CUX2: variants seen among roughly 807,000 people sequenced by gnomAD.
The protein encoded by CUX2 is cut like homeobox 2.
Under a neutral mutation model 144.8 loss-of-function variants are expected in CUX2, and 40 were observed. The ratio of observed to expected loss-of-function variants is 0.28; its 90% CI spans 0.21 to 0.36. CUX2 has a LOEUF of 0.36. Ranked by LOEUF, CUX2 falls within the 10% of genes least tolerant of loss-of-function variation. The probability of loss-of-function intolerance (pLI) is 1.00; values close to 1 mark genes in which losing one functional copy is unlikely to be tolerated. For synonymous variants in CUX2, 827 were observed against 875.6 expected, an observed-to-expected ratio of 0.94 and a Z score of 0.98; for missense variants, 1,615 against 1,994.0, an observed-to-expected ratio of 0.81 and a Z score of 3.62.
intron 1 of CUX2, among the ~76,000 whole-genome samples, chr12:111,042,077 G>C (rs962111020): frequency 3.3e-5 from 5 of 152,130 alleles, no homozygotes; most frequent in African/African-American, 1.2e-4. Flanking sequence ...TAAAAACAAA[G>C]AAAGAAAGAA....
At chr12:111,266,141 C>A (rs1198453895) in intron 4 of CUX2, among the ~76,000 whole-genome samples, 2 of 152,110 alleles carry the variant, frequency 1.3e-5, no homozygotes, top group African/African-American at 4.8e-5. Context: ...ATGAGATCAT[C>A]CTGGCTTTAG....
intron 1 of CUX2, among the ~76,000 whole-genome samples, chr12:111,055,793 A>C (rs150305973): frequency 2.0e-5 from 3 of 152,240 alleles, no homozygotes; most frequent in Admixed American, 2.0e-4. Context: ...CCCTACAGGT[A>C]AGTAGGCTTG....
chr12:111,202,020 C>T (rs919898944), intron 1 of CUX2, among the ~76,000 whole-genome samples: 1 of 152,198 alleles, frequency 6.6e-6, no homozygotes, highest in South Asian at 2.1e-4. Context: ...GTTAAAAGTG[C>T]CCTCATGCAG....
intron 1 of CUX2, among the ~76,000 whole-genome samples, chr12:111,184,510 A>G (rs758861796): frequency 4.0e-5 from 6 of 151,516 alleles, no homozygotes; most frequent in Non-Finnish European, 5.9e-5. Flanking sequence ...AAAGGAGCAG[A>G]CAATAAATTC....
Position 111,034,231 on chromosome 12 carries a change from G to A in CUX2, c.54G>A (p.Arg18=), listed in dbSNP as rs1334049377. 7.2e-7 allele frequency: 1 copy of A among 1,395,832 alleles called. No individual in the cohort carries two copies. The allele number at this position is 1,395,832 out of a possible 1,614,324, so 86.5% of individuals were successfully genotyped here. ...MFQYWKRFDL[R]RLQKELNSVA... The stretch of plus-strand genomic sequence containing the variant: ...AATATTGGAAGCGATTTGATCTACG[G>A]CGACTCCAGGTTAGTGCGGGCAGCG... Residue 18 remains arginine, a synonymous_variant, in exon 1 of 22, where the codon CGG becomes CGA. Coordinates refer to ENST00000261726, the MANE Select transcript of CUX2 (RefSeq NM_015267.4). This position sits in a 1 kb window ranked among gnomAD's most constrained non-coding sequence, Gnocchi z 4.2.
At chr12:111,273,407 C>A (rs559945024) in intron 4 of CUX2, among the ~76,000 whole-genome samples, 1 of 152,300 alleles carries the variant, frequency 6.6e-6, no homozygotes, top group South Asian at 2.1e-4. Flanking sequence ...CAAGGTCACA[C>A]AGCAGAGAAG....
At chr12:111,146,605 A>G (rs1015966103) in intron 1 of CUX2, among the ~76,000 whole-genome samples, 1 of 141,646 alleles carries the variant, frequency 7.1e-6, no homozygotes, top group East Asian at 2.1e-4. Flanking sequence ...CACATTTTAC[A>G]GAAGAGCAAG....
Position 111,304,277 on chromosome 12 carries a change from T to C in CUX2, c.821T>C (p.Ile274Thr). The C allele has an allele frequency of 6.2e-7, 1 of 1,613,936 alleles. No individual in the cohort carries two copies. The highest frequency in any genetic ancestry group is 2.2e-5 in the East Asian group (1 of 44,860). The change falls in exon 10 of 22, where the codon ATC becomes ACC. Residue 274 changes from isoleucine to threonine, a missense_variant. Ile to Thr is a moderately conservative substitution (Grantham distance 89). This residue lies in a region of CUX2 where 295 missense variants were observed against 400.2 expected (regional missense o/e 0.74). Transcript: ENST00000261726. This position sits in a 1 kb window ranked among gnomAD's most constrained non-coding sequence, Gnocchi z 4.7. ...REQLASVNSS[I>T]RLACCSPQGP... ...CAGCTGGCCTCTGTCAACAGCTCCA[T>C]CCGCCTGGCTTGCTGCTCTCCCCAG...
chr12:111,133,718 C>T (rs113930226), intron 1 of CUX2, among the ~76,000 whole-genome samples: 44 of 152,052 alleles, frequency 2.9e-4, no homozygotes, highest in Admixed American at 7.9e-4. Flanking sequence ...TGGTTGGGGG[C>T]GGGGGTCTTT....
chr12:111,332,235 C>G (rs549331856), intron 18 of CUX2, among the ~76,000 whole-genome samples: 1 of 145,288 alleles, frequency 6.9e-6, no homozygotes, highest in Admixed American at 7.0e-5. Flanking sequence ...CAGGTTCAAG[C>G]GATTCTGCTG....
intron 19 of CUX2, among the ~76,000 whole-genome samples, chr12:111,337,344 C>A (rs1462178183): frequency 6.9e-6 from 1 of 144,694 alleles, no homozygotes; most frequent in East Asian, 2.2e-4. Flanking sequence ...TAGAGTGAGA[C>A]CCTGTCTCAA....
rs1878524017 is a variant in CUX2, at chr12:111,171,561, A to G, written c.64-42639A>G. 6.6e-6 allele frequency among the ~76,000 whole-genome samples: 1 copy of G among 152,124 alleles called. No homozygotes were observed. Among genetic ancestry groups the G allele is most frequent in the Non-Finnish European group, 1.5e-5 (1 of 68,026 alleles). On this transcript the variant is annotated intron_variant, in intron 1 of 21. Transcript: ENST00000261726. This position sits in a 1 kb window ranked among gnomAD's most constrained non-coding sequence, Gnocchi z 5.0. ...TGTGCACGCAGATGGCTAGTGGCTC[A>G]GTGGGTCTCCGGAGCACAGCCACCT... is the stretch of plus-strand genomic sequence containing the variant.
At position 111,124,326 on chromosome 12, in the gene CUX2, C is replaced by A. The variant is rs1472973272; in HGVS notation, c.64-89874C>A. Among the ~76,000 whole-genome samples the A allele has an allele frequency of 2.6e-5, 4 of 152,176 alleles. No homozygotes were observed. The East Asian group carries it at 7.7e-4, about 29-fold the overall frequency. ...ATTCATTTTTACGCTTAAGTTCAGT[C>A]AAGTGTGGACAGCCATGTAGAAACA... On this transcript the variant is annotated intron_variant, in intron 1 of 21. Transcript: ENST00000261726.
chr12:111,122,185 T>C (rs1222405357), intron 1 of CUX2, among the ~76,000 whole-genome samples: 2 of 152,130 alleles, frequency 1.3e-5, no homozygotes, highest in Non-Finnish European at 2.9e-5. Context: ...TTTAAAGAAA[T>C]CTTCTCAACT....
At chr12:111,172,594 C>T (rs563921050) in intron 1 of CUX2, among the ~76,000 whole-genome samples, 10 of 152,346 alleles carry the variant, frequency 6.6e-5, no homozygotes, top group African/African-American at 2.4e-4. Context: ...TCCCAGCCAG[C>T]GCTTTCCACT....
chr12:111,141,592 G>A (rs1282795093), intron 1 of CUX2, among the ~76,000 whole-genome samples: 1 of 152,116 alleles, frequency 6.6e-6, no homozygotes, highest in Non-Finnish European at 1.5e-5. Context: ...CTCAGAGAGG[G>A]AGTGACTTTT....
rs971562545 is a variant in CUX2 at position 111,077,389 on chromosome 12, C to T, written c.63+43149C>T. On this transcript the variant is annotated intron_variant, in intron 1 of 21. Transcript: ENST00000261726. This position sits in a 1 kb window ranked among gnomAD's most constrained non-coding sequence, Gnocchi z 4.1. ...CCTAGCCTCTGGGGACTGGCGCGGC[C>T]ATGCCATCGACCTGAACCCCCTGGA... 6.6e-6 allele frequency among the ~76,000 whole-genome samples: 1 copy of T among 152,172 alleles called. No individual in the cohort carries two copies. The highest frequency in any genetic ancestry group is 1.5e-5 in the Non-Finnish European group (1 of 68,028).
intron 1 of CUX2, among the ~76,000 whole-genome samples, chr12:111,117,864 C>T (rs1874397789): frequency 6.6e-6 from 1 of 152,206 alleles, no homozygotes; most frequent in Non-Finnish European, 1.5e-5. Context: ...GCAGGCCAAG[C>T]TTGGCTACAG....
chr12:111,219,606 A>G (rs1399301631), intron 3 of CUX2, among the ~76,000 whole-genome samples: 1 of 152,180 alleles, frequency 6.6e-6, no homozygotes, highest in African/African-American at 2.4e-5. Context: ...TATCTGTTAA[A>G]TGGGAGTATA....
Sources: gnomAD v4.1 joint callset for allele counts (sites outside exome capture counted in the v4.1 genomes callset) on GRCh38, gnomAD v4.1.1 for gene constraint, gnomAD v4.1.1 regional missense constraint, Gnocchi (gnomAD v3.1) non-coding constraint, MANE v1.5 for transcripts, NCBI Gene and HGNC (gene_info 2026-07-23, HGNC 2026-07-21) for gene names.